Variants in ESRRG observed in about 807,000 individuals in gnomAD.
The protein encoded by ESRRG is estrogen related receptor gamma, also known as estrogen-related receptor gamma.
In ESRRG, 13 loss-of-function variants were observed where a neutral mutation model predicts 44.0. The ratio of observed to expected loss-of-function variants is 0.30; its 90% CI spans 0.19 to 0.47. The LOEUF is 0.47. ESRRG is among the 20% of genes least tolerant of loss of function. The pLI, the probability that ESRRG is intolerant of heterozygous loss-of-function variation, is 1.00. For missense variants in ESRRG, 395 were observed against 580.6 expected (o/e 0.68, Z 3.29); for synonymous variants, 215 against 214.6 (o/e 1.00, Z -0.02).
Position 216,511,036 on chromosome 1 carries a change from T to C in ESRRG, c.1133-3853A>G, listed in dbSNP as rs568761454. On this transcript the variant is annotated intron_variant, in intron 6 of 6. Transcript: ENST00000408911. ...TTTGAGTATGGAATTGAATATTAGA[T>C]ACAGGCACAGTATATTCAGAGTCGA... 2.6e-5 allele frequency among the ~76,000 whole-genome samples: 4 copies of C among 152,226 alleles called. No homozygotes were observed. The East Asian group carries it at 5.8e-4, about 22-fold the overall frequency.
At chr1:216,629,343 T>G (rs1325579232) in intron 3 of ESRRG, among the ~76,000 whole-genome samples, 3 of 152,202 alleles carry the variant, frequency 2.0e-5, no homozygotes, top group Non-Finnish European at 1.5e-5. Context: ...GAAAGATTTT[T>G]TTTTCTTAAG....
chr1:217,083,594 G>A (rs575004349), intron 1 of ESRRG, among the ~76,000 whole-genome samples: 2 of 152,230 alleles, frequency 1.3e-5, no homozygotes, highest in African/African-American at 4.8e-5. Flanking sequence ...GCACCATTTC[G>A]AGTGACCTTT....
At chr1:216,723,710 T>C (rs1234085206), upstream of ESRRG, among the ~76,000 whole-genome samples, 1 of 151,884 alleles carries the variant, frequency 6.6e-6, no homozygotes, top group Non-Finnish European at 1.5e-5. Flanking sequence ...CGGGTTTGAT[T>C]TTTTTTCCTC....
intron 2 of ESRRG, among the ~76,000 whole-genome samples, chr1:216,784,279 A>G (rs2094042336): frequency 6.6e-6 from 1 of 151,966 alleles, no homozygotes; most frequent in South Asian, 2.1e-4. Flanking sequence ...ACGATGTTAT[A>G]GTTAATTGTT....
At chr1:216,952,279 C>T (rs1167367968) in intron 1 of ESRRG, among the ~76,000 whole-genome samples, 3 of 152,186 alleles carry the variant, frequency 2.0e-5, no homozygotes, top group Non-Finnish European at 4.4e-5. Context: ...TTTCTCCCCT[C>T]AGTGCTGGCC....
chr1:217,133,605 T>TTTTCTTTC (rs750071673), intron 1 of ESRRG, among the ~76,000 whole-genome samples: 31 of 98,468 alleles, frequency 3.1e-4, no homozygotes, highest in South Asian at 1.7e-3. Flanking sequence ...TGTTTTCCTT[T>TTTTCTTTC]TTTCTTTCTT....
chr1:216,931,537 G>A (rs1560157796), intron 2 of ESRRG, among the ~76,000 whole-genome samples: 1 of 151,970 alleles, frequency 6.6e-6, no homozygotes, highest in Non-Finnish European at 1.5e-5. Context: ...CTCAGCCTTA[G>A]AGGTTCAGCT....
At chr1:216,631,719 T>C (rs2064222753) in intron 3 of ESRRG, among the ~76,000 whole-genome samples, 2 of 152,168 alleles carry the variant, frequency 1.3e-5, no homozygotes, top group Admixed American at 6.5e-5. Flanking sequence ...ATATGAAATA[T>C]ACATTCATAC....
At chr1:217,064,702 A>G (rs1334431660) in intron 1 of ESRRG, among the ~76,000 whole-genome samples, 1 of 152,202 alleles carries the variant, frequency 6.6e-6, no homozygotes, top group Non-Finnish European at 1.5e-5. Context: ...GTGTATTACA[A>G]CTTGCACTAA....
At chr1:216,717,183 A>G (rs548601494) in intron 1 of ESRRG, among the ~76,000 whole-genome samples, 1 of 152,038 alleles carries the variant, frequency 6.6e-6, no homozygotes, top group Admixed American at 6.6e-5. Flanking sequence ...AGTTTTGGAT[A>G]ATTGAGTGGA....
At chr1:216,897,836 G>C (rs2058597006) in intron 2 of ESRRG, among the ~76,000 whole-genome samples, 1 of 151,998 alleles carries the variant, frequency 6.6e-6, no homozygotes, top group African/African-American at 2.4e-5. Flanking sequence ...CCACTATTGA[G>C]AGAGCAGCTA....
chr1:216,615,476 C>A (rs1264438698), intron 3 of ESRRG, among the ~76,000 whole-genome samples: 1 of 152,138 alleles, frequency 6.6e-6, no homozygotes, highest in African/African-American at 2.4e-5. Context: ...GACGTACAAT[C>A]TCTGTTAATA....
At chr1:216,757,759 A>G (rs1163964588) in intron 2 of ESRRG, among the ~76,000 whole-genome samples, 1 of 152,110 alleles carries the variant, frequency 6.6e-6, no homozygotes, top group African/African-American at 2.4e-5. Context: ...TGAATTTGCA[A>G]TTAAGACTTC....
chr1:216,624,983 G>A (rs918563744), intron 3 of ESRRG, among the ~76,000 whole-genome samples: 3 of 151,908 alleles, frequency 2.0e-5, no homozygotes, highest in Non-Finnish European at 4.4e-5. Flanking sequence ...GTTGTCTTAC[G>A]TTGTTCCCCT....
At chr1:217,032,146 T>C (rs1579800342) in intron 1 of ESRRG, among the ~76,000 whole-genome samples, 1 of 152,190 alleles carries the variant, frequency 6.6e-6, no homozygotes, top group South Asian at 2.1e-4. Context: ...AATGCAATAC[T>C]AATCACATTT....
rs1319566799 is a variant in ESRRG at position 216,569,084 on chromosome 1, GGAAGGAAGGAAGGAAGGAAGGAAGGAA to G, written c.590-1013_590-987del. ...AGAAAGAGAGAAAGACAGAGAGAAA[GGAAGGAAGGAAGGAAGGAAGGAAGGAA>G]GAAGGAAGGAAGGAAGGAAGGAAAG... On this transcript the variant is annotated intron_variant, in intron 3 of 6. Coordinates refer to ENST00000408911, the MANE Select transcript of ESRRG (RefSeq NM_001438.4). 4.4e-3 allele frequency among the ~76,000 whole-genome samples: 151 copies of G among 33,978 alleles called. 2 individuals are homozygous for G. Among genetic ancestry groups the G allele is most frequent in the African/African-American group, 8.5e-3 (145 of 17,020 alleles). 22.3% of individuals were successfully genotyped at this position (33,978 alleles called of 152,430 possible).
At chr1:216,820,203 C>T (rs1468911534) in intron 2 of ESRRG, among the ~76,000 whole-genome samples, 5 of 152,276 alleles carry the variant, frequency 3.3e-5, no homozygotes, top group Admixed American at 6.5e-5. Context: ...TCATTCAACA[C>T]TCACAATACA....
chr1:216,874,947 G>A (rs890830189), intron 2 of ESRRG, among the ~76,000 whole-genome samples: 1 of 152,130 alleles, frequency 6.6e-6, no homozygotes, highest in African/African-American at 2.4e-5. Flanking sequence ...TTATACCAGT[G>A]GTTTGCCAGG....
chr1:216,628,967 C>G (rs984850958), intron 3 of ESRRG, among the ~76,000 whole-genome samples: 1 of 152,160 alleles, frequency 6.6e-6, no homozygotes, highest in Non-Finnish European at 1.5e-5. Context: ...CAATGACTGA[C>G]CTCTCCACTT....
Sources: allele counts gnomAD v4.1 joint callset (sites outside exome capture counted in the v4.1 genomes callset), GRCh38; gene constraint gnomAD v4.1.1; transcripts MANE v1.5; gene names NCBI Gene and HGNC (gene_info 2026-07-23, HGNC 2026-07-21).